The following G3BP2 variants were observed in gnomAD, a reference collection of about 807,000 sequenced individuals.
The protein encoded by G3BP2 is G3BP stress granule assembly factor 2.
In G3BP2, 11 loss-of-function variants were observed where a neutral mutation model predicts 56.7. The observed-to-expected ratio is 0.19, with a 90% CI of 0.12 to 0.32. G3BP2 has a LOEUF of 0.32. Among genes scored for constraint, G3BP2 ranks in the 10% least tolerant of loss-of-function variants. G3BP2 has a pLI of 1.00. For synonymous variants in G3BP2, 165 were observed against 191.6 expected (o/e 0.86, Z 1.15); for missense variants, 340 against 610.9 (o/e 0.56, Z 4.67).
At chr4:75,663,318 G>A (rs552904245) in intron 1 of G3BP2, among the ~76,000 whole-genome samples, 2 of 146,604 alleles carry the variant, frequency 1.4e-5, no homozygotes, top group East Asian at 2.1e-4. Flanking sequence ...GTTTAGTGGT[G>A]CAATCATGGC....
chr4:75,646,221 T>C, intron 11 of G3BP2, 117 bp downstream of exon 11: 2 of 634,184 alleles, frequency 3.2e-6, no homozygotes, highest in Non-Finnish European at 5.6e-6. Context: ...ATAAATACCA[T>C]TTAATAACTA....
At chr4:75,658,478 C>T (rs916907319) in intron 3 of G3BP2, among the ~76,000 whole-genome samples, 2 of 150,800 alleles carry the variant, frequency 1.3e-5, no homozygotes, top group African/African-American at 4.9e-5. Context: ...CGGCTGTAAT[C>T]CCAGCACTTT....
chr4:75,657,207 G>A (rs1031530932), intron 4 of G3BP2, among the ~76,000 whole-genome samples, 193 bp from the exon 5 acceptor site: 26 of 151,998 alleles, frequency 1.7e-4, no homozygotes, highest in African/African-American at 6.3e-4. Context: ...AGCAAAACTC[G>A]CAATTACTTT....
At chr4:75,701,797 A>G (rs1719355591) in intron 3 of G3BP2, among the ~76,000 whole-genome samples, 1 of 152,148 alleles carries the variant, frequency 6.6e-6, no homozygotes. Flanking sequence ...AATTTTGGAG[A>G]ATAATTTTAT....
chr4:75,710,619 G>A (rs539204820), intron 3 of G3BP2, among the ~76,000 whole-genome samples: 2 of 152,162 alleles, frequency 1.3e-5, no homozygotes, highest in African/African-American at 4.8e-5. Context: ...TTTATTTGTC[G>A]AATAAATAAA....
chr4:75,699,533 T>C (rs1167718626), intron 3 of G3BP2, among the ~76,000 whole-genome samples: 1 of 152,228 alleles, frequency 6.6e-6, no homozygotes, highest in Non-Finnish European at 1.5e-5. Flanking sequence ...CCTCAAACTT[T>C]AGTTTCTTAC....
intron 8 of G3BP2, among the ~76,000 whole-genome samples, chr4:75,652,484 T>C (rs1731771602): frequency 6.6e-6 from 1 of 152,094 alleles, no homozygotes; most frequent in African/African-American, 2.4e-5. Context: ...TAGCCAGGCG[T>C]GGTGGCGGGC....
chr4:75,682,763 C>T (rs1237948767), intron 3 of G3BP2, among the ~76,000 whole-genome samples: 2 of 151,714 alleles, frequency 1.3e-5, no homozygotes, highest in African/African-American at 2.4e-5. Context: ...GGGCAGATCA[C>T]GAGGTCAGGA....
chr4:75,659,647 A>C (rs1373575159), intron 2 of G3BP2, among the ~76,000 whole-genome samples: 2 of 152,198 alleles, frequency 1.3e-5, no homozygotes, highest in African/African-American at 2.4e-5. Context: ...ATGCTAAGCA[A>C]TGTTTTTAGT....
At chr4:75,711,084 C>T (rs992359732) in intron 3 of G3BP2, among the ~76,000 whole-genome samples, 9 of 152,084 alleles carry the variant, frequency 5.9e-5, no homozygotes, top group African/African-American at 2.2e-4. Flanking sequence ...CTTTGGGAGG[C>T]CAAGACGGAC....
At chr4:75,671,320 G>T (rs555976851) in intron 1 of G3BP2, among the ~76,000 whole-genome samples, 1 of 152,236 alleles carries the variant, frequency 6.6e-6, no homozygotes, top group Admixed American at 6.5e-5. Flanking sequence ...CAATCTAGGG[G>T]GAAAATGTTC....
At position 75,717,990 on chromosome 4, in the gene G3BP2, T is replaced by C. The variant is rs144394198; in HGVS notation, c.-25+2887A>G. On this transcript the variant is annotated intron_variant, in intron 3 of 3. Transcript: ENST00000499709. ...CCCGTCTCTACTAAAAATACAAAAA[T>C]TAGCTGGGTGTGCTGGCACGCACCT... 1.4e-3 allele frequency among the ~76,000 whole-genome samples: 212 copies of C among 151,994 alleles called. 1 individual carries two copies. The highest frequency in any genetic ancestry group is 5.0e-3 in the African/African-American group (206 of 41,446).
At chr4:75,709,122 C>T (rs901917930) in intron 3 of G3BP2, among the ~76,000 whole-genome samples, 6 of 144,832 alleles carry the variant, frequency 4.1e-5, no homozygotes. Flanking sequence ...ATAACAACAA[C>T]AACAAAACAA....
chr4:75,694,570 C>T (rs1208769200), intron 3 of G3BP2, among the ~76,000 whole-genome samples: 3 of 152,226 alleles, frequency 2.0e-5, no homozygotes, highest in East Asian at 3.8e-4. Context: ...CGCCACTGCA[C>T]TCCAGCCTGG....
rs796435169 is a variant in G3BP2, at chr4:75,665,640, C to CAA, written c.-24-3592_-24-3591insTT. 7.2e-4 allele frequency among the ~76,000 whole-genome samples: 21 copies of CAA among 29,094 alleles called. No homozygotes were observed. In the East Asian group the frequency reaches 0.044, roughly 61 times the overall value. 19.1% of individuals were successfully genotyped at this position (29,094 alleles called of 152,430 possible). A position where few individuals can be genotyped will look rare whatever the true frequency, so the allele number is the denominator to read the frequency against. On this transcript the variant is annotated intron_variant, in intron 1 of 11. Coordinates refer to ENST00000359707, the MANE Select transcript of G3BP2 (RefSeq NM_203505.3). ...ACAAACACACAAACACACACACACA[C>CAA]ACAAACACACAAACAAACACACACA...
chr4:75,701,672 C>T (rs1322094510), intron 3 of G3BP2, among the ~76,000 whole-genome samples: 1 of 152,166 alleles, frequency 6.6e-6, no homozygotes, highest in East Asian at 1.9e-4. Flanking sequence ...AGGTGATCCG[C>T]CCACCTCAGC....
intron 3 of G3BP2, among the ~76,000 whole-genome samples, chr4:75,682,845 T>G (rs913964391): frequency 5.9e-5 from 9 of 151,892 alleles, no homozygotes; most frequent in Non-Finnish European, 1.3e-4. Context: ...CTGGGCATGG[T>G]GGGTGACGTG....
At chr4:75,703,826 T>C (rs1190445694) in intron 3 of G3BP2, among the ~76,000 whole-genome samples, 6 of 152,186 alleles carry the variant, frequency 3.9e-5, no homozygotes, top group Admixed American at 2.6e-4. Context: ...ATTTGATTCA[T>C]AAGATGTTTC....
rs931644576 is a variant in G3BP2 at position 75,644,311 on chromosome 4, A to C, written c.*1119T>G. The C allele has an allele frequency of 1.3e-5, 2 of 152,562 alleles. No individual in the cohort carries two copies. The highest frequency in any genetic ancestry group is 1.9e-4 in the East Asian group (1 of 5,196). The allele number at this position is 152,562 out of a possible 1,614,324, so 9.5% of individuals were successfully genotyped here. A position where few individuals can be genotyped will look rare whatever the true frequency, so the allele number is the denominator to read the frequency against. On this transcript the variant is annotated 3_prime_UTR_variant, in exon 12 of 12. Coordinates refer to ENST00000359707, the MANE Select transcript of G3BP2 (RefSeq NM_203505.3). ...GACTTCCTCCTTCCCTCTCCCCACA[A>C]ACACACAGGACTCCCTCCCTCCCAC... is the stretch of plus-strand genomic sequence containing the variant.
Sources: allele counts gnomAD v4.1 joint callset (sites outside exome capture counted in the v4.1 genomes callset), GRCh38; gene constraint gnomAD v4.1.1; transcripts MANE v1.5; gene names NCBI Gene and HGNC (gene_info 2026-07-23, HGNC 2026-07-21).